The following GRM7 variants were observed in gnomAD, a reference collection of about 807,000 sequenced individuals.
GRM7 encodes the protein glutamate metabotropic receptor 7, also known as metabotropic glutamate receptor 7.
GRM7 carries 35 observed loss-of-function variants against 84.5 expected under a neutral mutation model. That is an observed-to-expected ratio of 0.41 (90% CI 0.32 to 0.55). The LOEUF is 0.55. GRM7 is among the 20% of genes least tolerant of loss of function. GRM7 has a pLI of 0.19. For missense variants in GRM7, 1,003 were observed against 1,194.6 expected (o/e 0.84, Z 2.36); for synonymous variants, 487 against 455.1 (o/e 1.07, Z -0.89).
intron 9 of GRM7, among the ~76,000 whole-genome samples, chr3:7,696,227 A>G (rs1038853605): frequency 2.0e-5 from 3 of 152,158 alleles, no homozygotes; most frequent in Non-Finnish European, 4.4e-5. Flanking sequence ...AGCCATTTAC[A>G]TTGTAGAGTG....
At chr3:7,591,598 A>G (rs1472524651) in intron 8 of GRM7, 10 of 360,360 alleles carry the variant, frequency 2.8e-5, no homozygotes, top group Non-Finnish European at 4.8e-5. Flanking sequence ...ACGAGAATGT[A>G]AGTAGCTAAC....
chr3:7,452,039 C>G (rs1267051894), intron 5 of GRM7, among the ~76,000 whole-genome samples: 7 of 152,104 alleles, frequency 4.6e-5, no homozygotes, highest in Non-Finnish European at 2.9e-5. Context: ...TGACACTGTT[C>G]AGTACTTCAC....
At chr3:6,946,108 G>A (rs528452755) in intron 1 of GRM7, among the ~76,000 whole-genome samples, 1 of 152,136 alleles carries the variant, frequency 6.6e-6, no homozygotes, top group African/African-American at 2.4e-5. Flanking sequence ...CATTGCTTTT[G>A]GTGTTTTAGA....
chr3:7,059,523 C>T (rs147837591), intron 1 of GRM7, among the ~76,000 whole-genome samples: 1 of 151,814 alleles, frequency 6.6e-6, no homozygotes, highest in African/African-American at 2.4e-5. Flanking sequence ...CTAAATCTTC[C>T]AAAGAAAATT....
intron 2 of GRM7, among the ~76,000 whole-genome samples, chr3:7,175,504 T>C (rs1296665453): frequency 6.6e-6 from 1 of 152,240 alleles, no homozygotes; most frequent in Admixed American, 6.5e-5. Context: ...TATTTAATGA[T>C]GAGTAACAAC....
At chr3:7,482,267 G>A (rs1699160403) in intron 7 of GRM7, among the ~76,000 whole-genome samples, 1 of 152,154 alleles carries the variant, frequency 6.6e-6, no homozygotes, top group African/African-American at 2.4e-5. Context: ...TATAAACCCT[G>A]TAAGTTTGAT....
At position 7,452,593 on chromosome 3, in the gene GRM7, G is replaced by C. The variant is rs1697819513; in HGVS notation, c.1175-14G>C. 3 of 1,504,176 alleles carry C rather than the reference G, an allele frequency of 2.0e-6. No homozygotes were observed. The highest frequency in any genetic ancestry group is 1.8e-4 in the Middle Eastern group (1 of 5,512). The allele number at this position is 1,504,176 out of a possible 1,614,324, so 93.2% of individuals were successfully genotyped here. On this transcript the variant is annotated splice_polypyrimidine_tract_variant and intron_variant, in intron 5 of 9. Transcript: ENST00000357716. Reference sequence around the variant, plus strand: ...GTGTGTGTGTGTGTGTGTGTTTCTTGTTTTAATGTGCAGGACAGGAGAGAA... The same window carrying C: ...GTGTGTGTGTGTGTGTGTGTTTCTTCTTTTAATGTGCAGGACAGGAGAGAA...
At chr3:7,365,640 CGTGTGTGTAT>C (rs1291402214) in intron 4 of GRM7, among the ~76,000 whole-genome samples, 1 of 100,812 alleles carries the variant, frequency 9.9e-6, no homozygotes, top group Non-Finnish European at 2.0e-5. Context: ...TGTGTGTGTG[CGTGTGTGTAT>C]ATATATATAT....
At chr3:7,559,949 T>C (rs1172888532) in intron 7 of GRM7, among the ~76,000 whole-genome samples, 2 of 152,062 alleles carry the variant, frequency 1.3e-5, no homozygotes, top group African/African-American at 2.4e-5. Flanking sequence ...ACCAGTTCTA[T>C]TGGATTAGGG....
intron 2 of GRM7, among the ~76,000 whole-genome samples, chr3:7,189,877 T>C (rs1380892158): frequency 2.0e-5 from 3 of 152,138 alleles, no homozygotes; most frequent in African/African-American, 7.2e-5. Flanking sequence ...TATATTAGAA[T>C]GACTAAACGT....
chr3:7,260,569 G>T (rs774087792), intron 2 of GRM7, among the ~76,000 whole-genome samples: 28 of 151,970 alleles, frequency 1.8e-4, no homozygotes, highest in Non-Finnish European at 3.1e-4. Context: ...ATTTCTAATT[G>T]TGTTTATTTA....
intron 1 of GRM7, among the ~76,000 whole-genome samples, chr3:7,052,352 A>G (rs1018631960): frequency 6.6e-6 from 1 of 151,700 alleles, no homozygotes; most frequent in Admixed American, 6.6e-5. Context: ...TTTAAGAACA[A>G]TTAACTTTTA....
intron 4 of GRM7, among the ~76,000 whole-genome samples, chr3:7,401,243 C>T (rs1695435530): frequency 6.6e-6 from 1 of 151,992 alleles, no homozygotes; most frequent in African/African-American, 2.4e-5. Context: ...TGTCGCTGAC[C>T]CAGGTAGCAA....
intron 2 of GRM7, among the ~76,000 whole-genome samples, chr3:7,253,661 C>T (rs1041999405): frequency 1.3e-5 from 2 of 150,254 alleles, no homozygotes; most frequent in Non-Finnish European, 3.0e-5. Context: ...TCACAGCATC[C>T]TTATGAGGTA....
At chr3:7,272,845 A>G (rs1276563080) in intron 2 of GRM7, among the ~76,000 whole-genome samples, 1 of 151,556 alleles carries the variant, frequency 6.6e-6, no homozygotes, top group Non-Finnish European at 1.5e-5. Flanking sequence ...TTTCAATTTC[A>G]TTGATTTCTG....
chr3:7,181,607 T>C (rs1695339156), intron 2 of GRM7, among the ~76,000 whole-genome samples: 1 of 151,930 alleles, frequency 6.6e-6, no homozygotes, highest in Non-Finnish European at 1.5e-5. Flanking sequence ...TTTAAAATAT[T>C]TATTTATTTA....
chr3:7,057,197 G>A (rs576433323), intron 1 of GRM7, among the ~76,000 whole-genome samples: 5 of 151,824 alleles, frequency 3.3e-5, no homozygotes, highest in African/African-American at 4.8e-5. Context: ...TTAACATATG[G>A]CTTGTTTCTG....
intron 5 of GRM7, among the ~76,000 whole-genome samples, chr3:7,417,345 C>G (rs908882967): frequency 3.3e-5 from 5 of 152,060 alleles, no homozygotes; most frequent in African/African-American, 1.2e-4. Flanking sequence ...ACTCTTCCAC[C>G]TATTGATATG....
At chr3:6,980,523 C>T (rs1694159661) in intron 1 of GRM7, among the ~76,000 whole-genome samples, 1 of 152,146 alleles carries the variant, frequency 6.6e-6, no homozygotes. Flanking sequence ...TCCAATTAAA[C>T]TAGTTTGTTA....
Sources: allele counts gnomAD v4.1 joint callset (sites outside exome capture counted in the v4.1 genomes callset), GRCh38; gene constraint gnomAD v4.1.1; transcripts MANE v1.5; gene names NCBI Gene and HGNC (gene_info 2026-07-23, HGNC 2026-07-21).